The following APOBEC3F variants were observed in gnomAD, a reference collection of about 807,000 sequenced individuals.
APOBEC3F encodes DNA dC->dU-editing enzyme APOBEC-3F.
Under a neutral mutation model 45.8 loss-of-function variants are expected in APOBEC3F, and 34 were observed. The observed-to-expected ratio is 0.74, with a 90% CI of 0.57 to 0.99. APOBEC3F has a LOEUF of 0.99. APOBEC3F is among the 50% of genes least tolerant of loss of function. APOBEC3F has a pLI of 0.00. For missense variants in APOBEC3F, 459 were observed against 474.1 expected, an observed-to-expected ratio of 0.97 and a Z score of 0.30; for synonymous variants, 192 against 174.4, an observed-to-expected ratio of 1.10 and a Z score of -0.80.
At chr22:39,044,448 G>A (rs972783570) in intron 2 of APOBEC3F, 14 of 1,278,938 alleles carry the variant, frequency 1.1e-5, no homozygotes, top group Middle Eastern at 2.9e-4. Context: ...GAAGTCCACT[G>A]TCAATGCACC....
chr22:39,052,562 C>T lies in APOBEC3F; in HGVS notation c.1004-15C>T. ...CCTGCTGGGCCCTCACTGCTTTCTCCTTGTTTTTTCTCAGATTTTAAATAT... is the reference window on the plus strand; with the variant it reads ...CCTGCTGGGCCCTCACTGCTTTCTCTTTGTTTTTTCTCAGATTTTAAATAT... On this transcript the variant is annotated splice_polypyrimidine_tract_variant and intron_variant, in intron 6 of 6. Coordinates refer to ENST00000308521, the MANE Select transcript of APOBEC3F (RefSeq NM_145298.6). The T allele has an allele frequency of 6.2e-7, 1 of 1,609,572 alleles. No individual in the cohort carries two copies. The highest frequency in any genetic ancestry group is 8.5e-7 in the Non-Finnish European group (1 of 1,177,148).
At position 39,052,218 on chromosome 22, in the gene APOBEC3F, T is replaced by C; in HGVS notation, c.868T>C (p.Phe290Leu). 1 of 1,614,074 alleles carries C rather than the reference T, an allele frequency of 6.2e-7. No individual in the cohort carries two copies. Among genetic ancestry groups the C allele is most frequent in the Non-Finnish European group, 8.5e-7 (1 of 1,179,994 alleles). ...CPECAGEVAE[F>L]LARHSNVNLT... ...AGAGTGTGCAGGGGAGGTGGCCGAG[T>C]TCCTGGCCAGGCACAGCAACGTGAA... Residue 290 changes from phenylalanine (F) to leucine (L), a missense_variant, in exon 6 of 7, where the codon TTC becomes CTC. Phe to Leu is a conservative substitution (Grantham distance 22). Coordinates refer to ENST00000308521, the MANE Select transcript of APOBEC3F (RefSeq NM_145298.6).
In APOBEC3F at chr22:39,049,582, G is replaced by A. The variant is rs1047466255; in HGVS notation, c.723+1G>A. 2 of 1,613,992 alleles carry A rather than the reference G, an allele frequency of 1.2e-6. No homozygotes were observed. The highest frequency in any genetic ancestry group is 2.2e-5 in the South Asian group (2 of 91,072). On this transcript the variant is annotated splice_donor_variant, in intron 5 of 6. Coordinates refer to ENST00000308521, the MANE Select transcript of APOBEC3F (RefSeq NM_145298.6). LOFTEE classifies it high-confidence loss of function. ...GAAGAGGGGCGTCTTCCGAAACCAG[G>A]TAGCACCAAAGTCCTATTTACACCC...
chr22:39,049,465 C>G lies in APOBEC3F; in HGVS notation c.607C>G (p.His203Asp). Reference protein sequence around the residue: ...EAMYPHIFYFHFKNLRKAYGR... With the variant: ...EAMYPHIFYFDFKNLRKAYGR... ...AATGTATCCACACATATTCTACTTC[C>G]ACTTTAAAAACCTACGCAAAGCCTA... Residue 203 changes from histidine (H) to aspartate (D), a missense_variant, in exon 5 of 7, where the codon CAC becomes GAC. His to Asp is a moderately conservative substitution (Grantham distance 81). Transcript: ENST00000308521. 1.2e-6 allele frequency: 2 copies of G among 1,614,048 alleles called. No homozygotes were observed. The highest frequency in any genetic ancestry group is 1.7e-6 in the Non-Finnish European group (2 of 1,179,984).
At chr22:39,042,878 G>A (rs1926985938) in intron 1 of APOBEC3F, 59 bp from the exon 2 acceptor site, 1 of 1,602,554 alleles carries the variant, frequency 6.2e-7, no homozygotes, top group Non-Finnish European at 8.5e-7. Flanking sequence ...GTGGACATCA[G>A]CCCTGAGGGC....
chr22:39,045,399 C>G, intron 3 of APOBEC3F, 29 bp from the exon 4 acceptor site: 1 of 1,613,924 alleles, frequency 6.2e-7, no homozygotes, highest in East Asian at 2.2e-5. Context: ...CAGGGCAGAG[C>G]CTGACTGCTT....
At chr22:39,044,098 A>G (rs889739897) in intron 2 of APOBEC3F, 3 of 1,552,010 alleles carry the variant, frequency 1.9e-6, no homozygotes, top group South Asian at 1.2e-5. Flanking sequence ...CAGGTCTTTC[A>G]TCAGAGCCCC....
rs34714612 is a variant in APOBEC3F, at chr22:39,055,370, C to CT, written c.*2689dup. On this transcript the variant is annotated 3_prime_UTR_variant, in exon 7 of 7. Coordinates refer to ENST00000308521, the MANE Select transcript of APOBEC3F (RefSeq NM_145298.6). ...TACAGATATAAGCCACCATACACAACTTTTTTTTTTTTTTGAGATGGAGTT... is the reference window on the plus strand; with the variant it reads ...TACAGATATAAGCCACCATACACAACTTTTTTTTTTTTTTTGAGATGGAGTT... Among the ~76,000 whole-genome samples, 1,283 of 142,856 alleles carry CT rather than the reference C, an allele frequency of 9.0e-3. 12 individuals are homozygous for CT. The highest frequency in any genetic ancestry group is 0.025 in the African/African-American group (964 of 38,854). 93.7% of individuals were successfully genotyped at this position (142,856 alleles called of 152,430 possible). A position where few individuals can be genotyped will look rare whatever the true frequency, so the allele number is the denominator to read the frequency against.
chr22:39,049,335 AG>A (rs1237169383), intron 4 of APOBEC3F, 89 bp from the exon 5 acceptor site: 4 of 1,441,460 alleles, frequency 2.8e-6, no homozygotes, highest in Non-Finnish European at 3.8e-6. Context: ...AGACATTCCC[AG>A]GGCTGTCCAG....
rs1407635179 is a variant in APOBEC3F, at chr22:39,049,588, C to T, written c.723+7C>T. Reference sequence around the variant, plus strand: ...GGGCGTCTTCCGAAACCAGGTAGCACCAAAGTCCTATTTACACCCCAAATA... The same window carrying T: ...GGGCGTCTTCCGAAACCAGGTAGCATCAAAGTCCTATTTACACCCCAAATA... On this transcript the variant is annotated splice_region_variant and intron_variant, in intron 5 of 6. Coordinates refer to ENST00000308521, the MANE Select transcript of APOBEC3F (RefSeq NM_145298.6). The T allele has an allele frequency of 6.2e-7, 1 of 1,613,914 alleles. No homozygotes were observed.
chr22:39,052,541 C>G, intron 6 of APOBEC3F, 36 bp from the exon 7 acceptor site: 1 of 1,595,962 alleles, frequency 6.3e-7, no homozygotes, highest in South Asian at 1.1e-5. Context: ...GAGAAGCCTG[C>G]TGGGCCCTCA....
intron 4 of APOBEC3F, among the ~76,000 whole-genome samples, chr22:39,048,700 G>A (rs1238246213): frequency 3.9e-5 from 6 of 152,264 alleles, no homozygotes; most frequent in Non-Finnish European, 7.4e-5. Flanking sequence ...CCAGCTAGTT[G>A]GGAGGCTGAG....
At chr22:39,049,604 A>G in intron 5 of APOBEC3F, 23 bp downstream of exon 5, 4 of 1,611,714 alleles carry the variant, frequency 2.5e-6, no homozygotes, top group Non-Finnish European at 3.4e-6. Context: ...TCCTATTTAC[A>G]CCCCAAATAG....
chr22:39,046,095 C>T (rs1927204259), intron 4 of APOBEC3F, among the ~76,000 whole-genome samples: 1 of 152,166 alleles, frequency 6.6e-6, no homozygotes, highest in Non-Finnish European at 1.5e-5. Flanking sequence ...TCTGCAGCTG[C>T]TCCTCTTGGC....
chr22:39,041,068 C>T (rs1308240678), intron 1 of APOBEC3F, 91 bp downstream of exon 1: 3 of 1,541,444 alleles, frequency 1.9e-6, no homozygotes, highest in Non-Finnish European at 2.6e-6. Context: ...TCCCCCTGCC[C>T]CAGCCCCAGC....
At chr22:39,052,383 G>T in intron 6 of APOBEC3F, 30 bp downstream of exon 6, 1 of 1,610,638 alleles carries the variant, frequency 6.2e-7, no homozygotes, top group Non-Finnish European at 8.5e-7. Context: ...AGGAGAGTGG[G>T]TGCGGGAGGG....
Position 39,052,306 on chromosome 22 carries a change from G to A in APOBEC3F, c.956G>A (p.Arg319His), listed in dbSNP as rs765588856. 12 of 1,614,074 alleles carry A rather than the reference G, an allele frequency of 7.4e-6. No individual in the cohort carries two copies. Among genetic ancestry groups the A allele is most frequent in the South Asian group, 2.2e-5 (2 of 91,076 alleles). ...FWDTDYQEGL[R>H]SLSQEGASVE... Reference sequence around the variant, plus strand: ...GATACAGATTACCAGGAGGGGCTCCGCAGCCTGAGTCAGGAAGGGGCCTCC... The same window carrying A: ...GATACAGATTACCAGGAGGGGCTCCACAGCCTGAGTCAGGAAGGGGCCTCC... Residue 319 changes from arginine to histidine, a missense_variant, in exon 6 of 7, where the codon CGC (arginine) becomes CAC (histidine). By Grantham distance (29) the Arg-to-His change is conservative. Transcript: ENST00000308521.
At chr22:39,044,335 A>G (rs879036198) in intron 2 of APOBEC3F, 2 of 1,409,832 alleles carry the variant, frequency 1.4e-6, no homozygotes, top group Non-Finnish European at 1.8e-6. Flanking sequence ...AACGAAGGGA[A>G]GCTCATGTCT....
At position 39,053,439 on chromosome 22, in the gene APOBEC3F, T is replaced by A. The variant is rs1261554171; in HGVS notation, c.*744T>A. Reference sequence around the variant, plus strand: ...GCCTGGGCCACATGACAAAGCCCCATCTCTACAAAAAAATTACAAAAAAAA... The same window carrying A: ...GCCTGGGCCACATGACAAAGCCCCAACTCTACAAAAAAATTACAAAAAAAA... On this transcript the variant is annotated 3_prime_UTR_variant, in exon 7 of 7. Transcript: ENST00000308521. 6.8e-6 allele frequency: 1 copy of A among 148,022 alleles called. No individual in the cohort carries two copies. Among genetic ancestry groups the A allele is most frequent in the African/African-American group, 2.5e-5 (1 of 39,948 alleles). 9.2% of individuals were successfully genotyped at this position (148,022 alleles called of 1,614,324 possible). A position where few individuals can be genotyped will look rare whatever the true frequency, so the allele number is the denominator to read the frequency against.
Sources: gnomAD v4.1 joint callset for allele counts (sites outside exome capture counted in the v4.1 genomes callset) on GRCh38, gnomAD v4.1.1 for gene constraint, MANE v1.5 for transcripts, NCBI Gene and HGNC (gene_info 2026-07-23, HGNC 2026-07-21) for gene names.